Variants in CCDC149 observed in about 807,000 individuals in gnomAD.
CCDC149 encodes the protein coiled-coil domain containing 149.
A neutral mutation model predicts 59.9 loss-of-function variants in CCDC149; 45 were observed. The observed-to-expected ratio is 0.75, with a 90% confidence interval of 0.59 to 0.96. The LOEUF (loss-of-function observed/expected upper bound fraction) is 0.96. Ranked by LOEUF, CCDC149 falls within the 40% of genes least tolerant of loss-of-function variation. The probability of loss-of-function intolerance (pLI) is 0.00; values close to 1 mark genes in which losing one functional copy is unlikely to be tolerated. For missense variants in CCDC149, 584 were observed against 664.7 expected (o/e 0.88, Z 1.33); for synonymous variants, 245 against 260.6 (o/e 0.94, Z 0.58).
intron 3 of CCDC149, among the ~76,000 whole-genome samples, chr4:24,856,312 A>G (rs1718004597): frequency 6.6e-6 from 1 of 152,232 alleles, no homozygotes; most frequent in African/African-American, 2.4e-5. Flanking sequence ...ATACAGACAA[A>G]ACCCTTGCCC....
rs1351006739 is a variant in CCDC149 at position 24,912,816 on chromosome 4, C to A, written c.63+1G>T. 1 of 1,343,274 alleles carries A rather than the reference C, an allele frequency of 7.4e-7. No individual in the cohort carries two copies. The allele number at this position is 1,343,274 out of a possible 1,614,324, so 83.2% of individuals were successfully genotyped here. A position where few individuals can be genotyped will look rare whatever the true frequency, so the allele number is the denominator to read the frequency against. ...CCGCCTGGCCGGCGCCGCGGCCTCA[C>A]CTCGCTCACCAGCCCCTGCCAGTCG... On this transcript the variant is annotated splice_donor_variant, in intron 1 of 12. Coordinates refer to ENST00000635206, the MANE Select transcript of CCDC149 (RefSeq NM_001330643.2). LOFTEE classifies it high-confidence loss of function.
At chr4:24,877,937 C>G (rs1452866713) in intron 1 of CCDC149, among the ~76,000 whole-genome samples, 1 of 152,100 alleles carries the variant, frequency 6.6e-6, no homozygotes, top group Non-Finnish European at 1.5e-5. Context: ...GCACTAAATA[C>G]CTTTGGAATT....
At chr4:24,938,432 G>C (rs1018250471) in intron 1 of CCDC149, among the ~76,000 whole-genome samples, 1 of 152,174 alleles carries the variant, frequency 6.6e-6, no homozygotes, top group South Asian at 2.1e-4. Flanking sequence ...AGCCAAGATA[G>C]CCGAATAGGA....
At chr4:24,949,041 G>A (rs548229220) in intron 1 of CCDC149, among the ~76,000 whole-genome samples, 1 of 152,222 alleles carries the variant, frequency 6.6e-6, no homozygotes, top group African/African-American at 2.4e-5. Flanking sequence ...CCAGTCTCTG[G>A]TATGTCTTTA....
intron 1 of CCDC149, among the ~76,000 whole-genome samples, chr4:24,896,771 T>C (rs1235421209): frequency 6.6e-6 from 1 of 152,152 alleles, no homozygotes; most frequent in African/African-American, 2.4e-5. Flanking sequence ...GATCACAGTC[T>C]ATATTTTGAA....
At position 24,807,266 on chromosome 4, in the gene CCDC149, A is replaced by G. The variant is rs1714256074; in HGVS notation, c.*1123T>C. On this transcript the variant is annotated 3_prime_UTR_variant, in exon 13 of 13. Transcript: ENST00000635206. ...TTTATCTGAAAGGAAAGAACCAGCTAGAATTGAGCATGCCCTCCTTTCCCA... is the reference window on the plus strand; with the variant it reads ...TTTATCTGAAAGGAAAGAACCAGCTGGAATTGAGCATGCCCTCCTTTCCCA... The G allele has an allele frequency of 6.6e-6, 1 of 152,228 alleles. No individual in the cohort carries two copies. Among genetic ancestry groups the G allele is most frequent in the Admixed American group, 6.5e-5 (1 of 15,280 alleles). 9.4% of individuals were successfully genotyped at this position (152,228 alleles called of 1,614,324 possible).
chr4:24,887,927 G>A (rs1030777013), intron 1 of CCDC149, among the ~76,000 whole-genome samples: 1 of 151,976 alleles, frequency 6.6e-6, no homozygotes, highest in Non-Finnish European at 1.5e-5. Flanking sequence ...CCATGTTCCT[G>A]TTCAGCCCAC....
At chr4:24,934,106 C>T (rs934736372) in intron 1 of CCDC149, among the ~76,000 whole-genome samples, 19 of 152,126 alleles carry the variant, frequency 1.2e-4, no homozygotes, top group African/African-American at 4.3e-4. Flanking sequence ...ATGTGCCAAG[C>T]CTCTTAAAGG....
chr4:24,832,344 G>A (rs977267444), intron 8 of CCDC149, among the ~76,000 whole-genome samples: 3 of 152,140 alleles, frequency 2.0e-5, no homozygotes, highest in Non-Finnish European at 2.9e-5. Context: ...CAAAGATAGG[G>A]CAAAAAGGTA....
chr4:24,860,028 C>A (rs139781823), intron 3 of CCDC149, among the ~76,000 whole-genome samples: 3 of 152,248 alleles, frequency 2.0e-5, no homozygotes, highest in African/African-American at 7.2e-5. Context: ...CAAAAGCAAT[C>A]TATAAATTCA....
intron 2 of CCDC149, among the ~76,000 whole-genome samples, 194 bp downstream of exon 2, chr4:24,876,338 CACAG>C (rs1189304871): frequency 2.8e-3 from 333 of 119,398 alleles, no homozygotes; most frequent in African/African-American, 9.2e-3. Context: ...CACACACACA[CACAG>C]AGAGAGAGAG....
In CCDC149 at chr4:24,808,472, G is replaced by T; in HGVS notation, c.1540C>A (p.Arg514=). The stretch of plus-strand genomic sequence containing the variant: ...GGTGTGGAAGCTTTGGCTGCTGGCC[G>T]GCTGGCCTCGAAGGAGTCCAGGTGA... Residue 514 remains arginine (R), a synonymous_variant, in exon 13 of 13, where the codon CGG becomes AGG. Coordinates refer to ENST00000635206, the MANE Select transcript of CCDC149 (RefSeq NM_001330643.2). The T allele has an allele frequency of 6.8e-7, 1 of 1,469,324 alleles. No individual in the cohort carries two copies. Among genetic ancestry groups the T allele is most frequent in the South Asian group, 1.4e-5 (1 of 69,204 alleles). The allele number at this position is 1,469,324 out of a possible 1,614,324, so 91.0% of individuals were successfully genotyped here.
intron 2 of CCDC149, among the ~76,000 whole-genome samples, chr4:24,874,778 C>G (rs2109243407): frequency 6.6e-6 from 1 of 152,198 alleles, no homozygotes; most frequent in Non-Finnish European, 1.5e-5. Flanking sequence ...TTTAATAATG[C>G]CAGCACAGAT....
intron 1 of CCDC149, among the ~76,000 whole-genome samples, chr4:24,909,908 G>A (rs1035503850): frequency 1.3e-5 from 2 of 152,162 alleles, no homozygotes; most frequent in Non-Finnish European, 2.9e-5. Flanking sequence ...TGGAACAGCA[G>A]GCCCATGAAA....
At chr4:24,906,361 A>G (rs561875585) in intron 1 of CCDC149, among the ~76,000 whole-genome samples, 13 of 30,324 alleles carry the variant, frequency 4.3e-4, no homozygotes, top group African/African-American at 8.0e-4. Flanking sequence ...GGGCAGCGGA[A>G]CAAATTTTAT....
At chr4:24,933,867 G>C (rs893103282) in intron 1 of CCDC149, among the ~76,000 whole-genome samples, 4 of 152,204 alleles carry the variant, frequency 2.6e-5, no homozygotes, top group Non-Finnish European at 4.4e-5. Context: ...GGAGGGCTCA[G>C]CTGGATGGTT....
chr4:24,855,512 T>A (rs1577414576), intron 3 of CCDC149, among the ~76,000 whole-genome samples: 1 of 150,936 alleles, frequency 6.6e-6, no homozygotes, highest in Non-Finnish European at 1.5e-5. Context: ...ATGGTGGAGG[T>A]TTCAGTGAGC....
rs1463414799 is a variant in CCDC149, at chr4:24,876,582, A to G, written c.179T>C (p.Leu60Pro). ...CTTCAGTGACTGGTGGCGCTCCCGGAGCTGATTGGCCATGAGTTTGTACTG... is the reference window on the plus strand; with the variant it reads ...CTTCAGTGACTGGTGGCGCTCCCGGGGCTGATTGGCCATGAGTTTGTACTG... Residue 60 changes from leucine to proline, a missense_variant, in exon 2 of 13, where the codon CTC (leucine) becomes CCC (proline). Coordinates refer to ENST00000635206, the MANE Select transcript of CCDC149 (RefSeq NM_001330643.2). 6.2e-7 allele frequency: 1 copy of G among 1,613,954 alleles called. No homozygotes were observed. The highest frequency in any genetic ancestry group is 8.5e-7 in the Non-Finnish European group (1 of 1,179,986).
intron 1 of CCDC149, among the ~76,000 whole-genome samples, chr4:24,945,887 C>T (rs182733682): frequency 1.3e-5 from 2 of 152,184 alleles, no homozygotes; most frequent in Non-Finnish European, 2.9e-5. Context: ...CTCCAAAATG[C>T]CAGGATTACA....
Sources: gnomAD v4.1 joint callset for allele counts (sites outside exome capture counted in the v4.1 genomes callset) on GRCh38, gnomAD v4.1.1 for gene constraint, MANE v1.5 for transcripts, NCBI Gene and HGNC (gene_info 2026-07-23, HGNC 2026-07-21) for gene names.